Variants in RASSF9 observed in about 807,000 individuals in gnomAD.
RASSF9 encodes the protein Ras association domain family member 9, also known as ras association domain-containing protein 9.
A neutral mutation model predicts 21.4 loss-of-function variants in RASSF9; 18 were observed. The observed-to-expected ratio is 0.84, with a 90% CI of 0.58 to 1.25. The LOEUF (loss-of-function observed/expected upper bound fraction) is 1.25. Among genes scored for constraint, RASSF9 ranks in the 50% most tolerant of loss-of-function variants. The pLI is 0.00. For synonymous variants in RASSF9, 183 were observed against 179.1 expected (o/e 1.02, Z -0.18); for missense variants, 480 against 503.2 (o/e 0.95, Z 0.44).
intron 1 of RASSF9, among the ~76,000 whole-genome samples, chr12:85,831,366 C>T (rs916248652): frequency 1.3e-5 from 2 of 151,988 alleles, no homozygotes; most frequent in Admixed American, 6.6e-5. Context: ...AAGTACTTCT[C>T]GCCTTGACAT....
In RASSF9 at chr12:85,822,065, C is replaced by CA. The variant is rs777072280; in HGVS notation, c.47+14089dup. 2.3e-3 allele frequency among the ~76,000 whole-genome samples: 352 copies of CA among 150,148 alleles called. 9 individuals carry two copies. The East Asian group carries it at 0.054, about 23-fold the overall frequency. ...TATTTTGTAAAGAAATATTTCGCAACAAAAAAAAAGTGCTTATTAAAAGGA... is the reference window on the plus strand; with the variant it reads ...TATTTTGTAAAGAAATATTTCGCAACAAAAAAAAAAGTGCTTATTAAAAGGA... On this transcript the variant is annotated intron_variant, in intron 1 of 1. Transcript: ENST00000361228.
rs78999371 is a variant in RASSF9, at chr12:85,828,066, T to G, written c.47+8089A>C. On this transcript the variant is annotated intron_variant, in intron 1 of 1. Coordinates refer to ENST00000361228, the MANE Select transcript of RASSF9 (RefSeq NM_005447.4). The stretch of plus-strand genomic sequence containing the variant: ...TAAAATGCTTGTTTTGTATTTCAAT[T>G]GTTTACATATGGCTTGTGTGTCTTG... Among the ~76,000 whole-genome samples the G allele has an allele frequency of 1.5e-3, 226 of 152,294 alleles. 7 individuals are homozygous for G. The East Asian group carries it at 0.042, about 28-fold the overall frequency.
chr12:85,807,521 T>G (rs567880000), intron 1 of RASSF9, among the ~76,000 whole-genome samples: 5 of 152,182 alleles, frequency 3.3e-5, no homozygotes, highest in Non-Finnish European at 7.4e-5. Context: ...GCAAGAAGCC[T>G]ATTCCATCAG....
At chr12:85,836,102 GACACAC>G in intron 1 of RASSF9, 47 bp downstream of exon 1, 2 of 1,489,914 alleles carry the variant, frequency 1.3e-6, no homozygotes, top group Non-Finnish European at 1.8e-6. Flanking sequence ...ACACACACAA[GACACAC>G]ACACACACAG....
At chr12:85,806,151 A>G (rs1357398287) in intron 1 of RASSF9, among the ~76,000 whole-genome samples, 189 bp from the exon 2 acceptor site, 1 of 151,488 alleles carries the variant, frequency 6.6e-6, no homozygotes, top group Admixed American at 6.6e-5. Flanking sequence ...GGTTCACGCC[A>G]TTCTCCTGCC....
chr12:85,812,098 C>A (rs1486156962), intron 1 of RASSF9, among the ~76,000 whole-genome samples: 1 of 151,652 alleles, frequency 6.6e-6, no homozygotes, highest in Non-Finnish European at 1.5e-5. Flanking sequence ...CTACTCCACA[C>A]AATTATCTTT....
Position 85,804,833 on chromosome 12 carries a change from C to T in RASSF9, c.1177G>A (p.Glu393Lys), listed in dbSNP as rs370482081. 1.5e-5 allele frequency: 25 copies of T among 1,613,112 alleles called. No individual in the cohort carries two copies. Among genetic ancestry groups the T allele is most frequent in the Non-Finnish European group, 2.5e-6 (3 of 1,179,208 alleles). Residue 393 changes from glutamate (E) to lysine (K), a missense_variant, in exon 2 of 2, where the codon GAG (glutamate) becomes AAG (lysine). Glu to Lys is a moderately conservative substitution (Grantham distance 56). Coordinates refer to ENST00000361228, the MANE Select transcript of RASSF9 (RefSeq NM_005447.4). The part of the protein sequence containing the change: ...KESEVPSSNG[E>K]IPPFTQRVFS... ...ACTCTTTGAGTAAAGGGAGGAATCTCCCCATTGCTACTGGGAACCTCAGAT... is the reference window on the plus strand; with the variant it reads ...ACTCTTTGAGTAAAGGGAGGAATCTTCCCATTGCTACTGGGAACCTCAGAT...
At position 85,805,065 on chromosome 12, in the gene RASSF9, T is replaced by C; in HGVS notation, c.945A>G (p.Leu315=). ...TCTCCAAATCACACTTAACACTCTC[T>C]AAATTAGAGCTTTCCAGTTCACTTG... is the stretch of plus-strand genomic sequence containing the variant. ...EAASELESSN[L]ESVKCDLEKS... is the part of the protein sequence containing the mutation. Residue 315 remains leucine, a synonymous_variant, in exon 2 of 2, where the codon TTA becomes TTG. Transcript: ENST00000361228. 6.2e-7 allele frequency: 1 copy of C among 1,614,022 alleles called. No homozygotes were observed. The highest frequency in any genetic ancestry group is 8.5e-7 in the Non-Finnish European group (1 of 1,179,904).
chr12:85,816,991 A>G (rs541413414), intron 1 of RASSF9, among the ~76,000 whole-genome samples: 1 of 152,272 alleles, frequency 6.6e-6, no homozygotes, highest in South Asian at 2.1e-4. Flanking sequence ...AGAGTTAGGA[A>G]TGGGAGCTAT....
At chr12:85,809,145 A>G (rs980567560) in intron 1 of RASSF9, among the ~76,000 whole-genome samples, 1 of 152,192 alleles carries the variant, frequency 6.6e-6, no homozygotes, top group African/African-American at 2.4e-5. Flanking sequence ...CAGGTCACAC[A>G]GTGAGTGGTA....
intron 1 of RASSF9, among the ~76,000 whole-genome samples, chr12:85,817,067 T>G (rs1364248998): frequency 6.6e-6 from 1 of 152,286 alleles, no homozygotes; most frequent in African/African-American, 2.4e-5. Context: ...GTATAGAATG[T>G]GTAGAAATTC....
At chr12:85,832,723 C>T (rs1880476833) in intron 1 of RASSF9, among the ~76,000 whole-genome samples, 1 of 151,854 alleles carries the variant, frequency 6.6e-6, no homozygotes, top group South Asian at 2.1e-4. Context: ...GACTCTCAAA[C>T]ATTTGTATTC....
intron 1 of RASSF9, among the ~76,000 whole-genome samples, chr12:85,835,242 G>T (rs1054565336): frequency 6.6e-6 from 1 of 152,118 alleles, no homozygotes; most frequent in African/African-American, 2.4e-5. Flanking sequence ...AGGCATGATT[G>T]AGAGAAAAGT....
At chr12:85,806,323 T>TAA (rs1330233942) in intron 1 of RASSF9, among the ~76,000 whole-genome samples, 1 of 150,522 alleles carries the variant, frequency 6.6e-6, no homozygotes, top group East Asian at 2.1e-4. Flanking sequence ...GTGCTGGGAT[T>TAA]ACAGGCGTGA....
chr12:85,819,645 T>C (rs1382060652), intron 1 of RASSF9, among the ~76,000 whole-genome samples: 1 of 152,212 alleles, frequency 6.6e-6, no homozygotes, highest in Admixed American at 6.5e-5. Flanking sequence ...TTCAATTTTC[T>C]CATCTACATA....
At position 85,811,589 on chromosome 12, in the gene RASSF9, G is replaced by A. The variant is rs529088990; in HGVS notation, c.48-5627C>T. On this transcript the variant is annotated intron_variant, in intron 1 of 1. Coordinates refer to ENST00000361228, the MANE Select transcript of RASSF9 (RefSeq NM_005447.4). ...CACACTCACAATTTATGCCAGTTTC[G>A]GTCTTGAATTTTAGGTTAACTTGAT... Among the ~76,000 whole-genome samples, 5 of 151,866 alleles carry A rather than the reference G, an allele frequency of 3.3e-5. No homozygotes were observed. In the East Asian group the frequency reaches 5.8e-4, roughly 18 times the overall value.
intron 1 of RASSF9, among the ~76,000 whole-genome samples, chr12:85,823,720 G>A (rs1296891000): frequency 6.6e-6 from 1 of 152,160 alleles, no homozygotes; most frequent in Non-Finnish European, 1.5e-5. Flanking sequence ...TGATGAAAAA[G>A]CCTGAGTTCA....
At chr12:85,818,413 T>C (rs1880126278) in intron 1 of RASSF9, among the ~76,000 whole-genome samples, 1 of 152,112 alleles carries the variant, frequency 6.6e-6, no homozygotes, top group Admixed American at 6.5e-5. Context: ...CTCTAGTAAA[T>C]CCAATATAAT....
chr12:85,821,725 C>T (rs938864857), intron 1 of RASSF9, among the ~76,000 whole-genome samples: 6 of 151,868 alleles, frequency 4.0e-5, no homozygotes, highest in African/African-American at 1.2e-4. Flanking sequence ...CTTTAATTTT[C>T]GAAGAAGTAA....
Sources: gnomAD v4.1 joint callset for allele counts (sites outside exome capture counted in the v4.1 genomes callset) on GRCh38, gnomAD v4.1.1 for gene constraint, MANE v1.5 for transcripts, NCBI Gene and HGNC (gene_info 2026-07-23, HGNC 2026-07-21) for gene names.